The following SORL1 variants were observed in gnomAD, a reference collection of about 807,000 sequenced individuals.
SORL1 encodes sortilin related receptor 1.
Under a neutral mutation model 273.7 loss-of-function variants are expected in SORL1, and 127 were observed. That is an observed-to-expected ratio of 0.46 (90% confidence interval 0.40 to 0.54). SORL1 has a LOEUF of 0.54. SORL1 is among the 20% of genes least tolerant of loss of function. The pLI is 0.00. For missense variants in SORL1, 2,494 were observed against 2,846.1 expected, an observed-to-expected ratio of 0.88 and a Z score of 2.81; for synonymous variants, 1,031 against 1,067.4, an observed-to-expected ratio of 0.97 and a Z score of 0.66.
intron 6 of SORL1, among the ~76,000 whole-genome samples, chr11:121,498,177 G>T (rs1227880008): frequency 6.6e-6 from 1 of 152,190 alleles, no homozygotes; most frequent in Non-Finnish European, 1.5e-5. Context: ...GTGCCTTCCT[G>T]CCTTGACTGT....
intron 6 of SORL1, among the ~76,000 whole-genome samples, chr11:121,508,251 G>A (rs1285375552): frequency 6.6e-6 from 1 of 152,068 alleles, no homozygotes; most frequent in African/African-American, 2.4e-5. Flanking sequence ...ACTAGACCCC[G>A]TTCATTTCTT....
Position 121,514,755 on chromosome 11 carries a change from G to A in SORL1, c.1211+434G>A, listed in dbSNP as rs747024590. Among the ~76,000 whole-genome samples, 5 of 152,096 alleles carry A rather than the reference G, an allele frequency of 3.3e-5. No individual in the cohort carries two copies. The South Asian group carries it at 6.2e-4, about 19-fold the overall frequency. ...TCATTACTCTTTTTAAGAGATAATC[G>A]GACGGTGTTTTGTAAAGAAAGGCAC... On this transcript the variant is annotated intron_variant, in intron 8 of 47. Transcript: ENST00000260197.
At chr11:121,528,325 T>C (rs1862153943) in intron 11 of SORL1, among the ~76,000 whole-genome samples, 1 of 151,962 alleles carries the variant, frequency 6.6e-6, no homozygotes, top group Non-Finnish European at 1.5e-5. Flanking sequence ...AAAAATTAAC[T>C]GGGCATACCT....
chr11:121,570,348 AG>A (rs1349013527), intron 23 of SORL1, 78 bp downstream of exon 23: 1 of 1,060,580 alleles, frequency 9.4e-7, no homozygotes, highest in Non-Finnish European at 1.4e-6. Flanking sequence ...TGAGGGCCTA[AG>A]GTCTAGGGCG....
At chr11:121,510,622 C>T (rs1296140196) in intron 6 of SORL1, among the ~76,000 whole-genome samples, 1 of 152,136 alleles carries the variant, frequency 6.6e-6, no homozygotes, top group Non-Finnish European at 1.5e-5. Context: ...ATCTCATTGA[C>T]TAGTACTTAG....
intron 31 of SORL1, among the ~76,000 whole-genome samples, chr11:121,592,342 C>T (rs1347488455): frequency 6.6e-6 from 1 of 152,144 alleles, no homozygotes; most frequent in Non-Finnish European, 1.5e-5. Flanking sequence ...CTAATGGAAT[C>T]GCCTGGGGTG....
At chr11:121,471,333 T>C (rs1299735392) in intron 2 of SORL1, among the ~76,000 whole-genome samples, 1 of 152,226 alleles carries the variant, frequency 6.6e-6, no homozygotes, top group African/African-American at 2.4e-5. Flanking sequence ...TGAAAACTGC[T>C]GAGTCTTACA....
intron 6 of SORL1, among the ~76,000 whole-genome samples, 192 bp from the exon 7 acceptor site, chr11:121,512,811 C>G (rs1320881504): frequency 6.6e-6 from 1 of 152,186 alleles, no homozygotes; most frequent in Non-Finnish European, 1.5e-5. Context: ...AACCGGGTAT[C>G]TAAGATGAAG....
At chr11:121,482,062 G>T (rs1297322198) in intron 3 of SORL1, among the ~76,000 whole-genome samples, 1 of 152,206 alleles carries the variant, frequency 6.6e-6, no homozygotes, top group Non-Finnish European at 1.5e-5. Context: ...CTTTCTGCTT[G>T]TTGTGGGTTG....
intron 13 of SORL1, 62 bp from the exon 14 acceptor site, chr11:121,545,181 A>G (rs981493809): frequency 2.6e-6 from 4 of 1,529,700 alleles, no homozygotes; most frequent in Non-Finnish European, 3.6e-6. Context: ...ACCTTGAGGC[A>G]TAGCAGGAAA....
Position 121,452,645 on chromosome 11 carries a change from C to T in SORL1, c.285+29C>T, listed in dbSNP as rs1490957996. On this transcript the variant is annotated intron_variant, in intron 1 of 47. Coordinates refer to ENST00000260197, the MANE Select transcript of SORL1 (RefSeq NM_003105.6). The surrounding 1 kb of genome is among the most constrained non-coding windows in gnomAD (Gnocchi z 5.3). The stretch of plus-strand genomic sequence containing the variant: ...AGCAGTTTTGCAACCCGCCTCCCTC[C>T]AGTTTTTTCCTCTCCCTGCACTTCC... 2.1e-6 allele frequency: 3 copies of T among 1,424,364 alleles called. No homozygotes were observed. The highest frequency in any genetic ancestry group is 2.7e-6 in the Non-Finnish European group (3 of 1,091,484). The allele number at this position is 1,424,364 out of a possible 1,614,324, so 88.2% of individuals were successfully genotyped here. A position where few individuals can be genotyped will look rare whatever the true frequency, so the allele number is the denominator to read the frequency against.
rs536259915 is a variant in SORL1, at chr11:121,579,620, G to A, written c.3580+2220G>A. On this transcript the variant is annotated intron_variant, in intron 25 of 47. Transcript: ENST00000260197. The stretch of plus-strand genomic sequence containing the variant: ...CATCTTTCCTCTCTCCTAGATATAT[G>A]GGGACTTTAGAATTTGATCCAAATC... Among the ~76,000 whole-genome samples, 5 of 152,070 alleles carry A rather than the reference G, an allele frequency of 3.3e-5. No homozygotes were observed. In the East Asian group the frequency reaches 5.8e-4, roughly 18 times the overall value.
intron 3 of SORL1, among the ~76,000 whole-genome samples, chr11:121,482,751 G>GA: frequency 6.6e-6 from 1 of 152,248 alleles, no homozygotes; most frequent in East Asian, 1.9e-4. Context: ...TGAAATGGTC[G>GA]AAATGAATGT....
intron 8 of SORL1, among the ~76,000 whole-genome samples, chr11:121,514,920 A>T (rs1861929411): frequency 6.6e-6 from 1 of 151,996 alleles, no homozygotes; most frequent in Non-Finnish European, 1.5e-5. Flanking sequence ...GGTTCTTAAG[A>T]TCCGTTCAGG....
At chr11:121,566,806 T>G (rs1419570984) in intron 21 of SORL1, 134 bp from the exon 22 acceptor site, 2 of 799,120 alleles carry the variant, frequency 2.5e-6, no homozygotes, top group Non-Finnish European at 1.9e-6. Flanking sequence ...CCCCAAAGCT[T>G]GCCACTTGAC....
chr11:121,605,972 A>G (rs144288761), intron 35 of SORL1, among the ~76,000 whole-genome samples: 47 of 152,212 alleles, frequency 3.1e-4, no homozygotes, highest in African/African-American at 1.1e-3. Flanking sequence ...CCCACACTGG[A>G]GTGCAGTGGA....
At chr11:121,544,831 C>G (rs1862400484) in intron 13 of SORL1, among the ~76,000 whole-genome samples, 1 of 152,212 alleles carries the variant, frequency 6.6e-6, no homozygotes, top group South Asian at 2.1e-4. Context: ...TCGGGCCACA[C>G]TACCAGATGT....
chr11:121,573,039 G>A (rs1478522495), intron 23 of SORL1, among the ~76,000 whole-genome samples: 1 of 152,178 alleles, frequency 6.6e-6, no homozygotes, highest in African/African-American at 2.4e-5. Context: ...CCTTCCCCTC[G>A]CCTTTCCTGG....
chr11:121,627,150 G>A lies in SORL1; in HGVS notation c.6365-405G>A, dbSNP rs1308300001. On this transcript the variant is annotated intron_variant, in intron 46 of 47. Coordinates refer to ENST00000260197, the MANE Select transcript of SORL1 (RefSeq NM_003105.6). The surrounding 1 kb of genome is among the most constrained non-coding windows in gnomAD (Gnocchi z 4.9). ...CAGTTCAGAGTGACTTTGGTGCCAA[G>A]TAGGGGGAAATAATTGCAATCTCGT... The A allele has an allele frequency of 4.9e-6, 1 of 202,092 alleles. No homozygotes were observed. Among genetic ancestry groups the A allele is most frequent in the Non-Finnish European group, 1.0e-5 (1 of 96,838 alleles). 12.5% of individuals were successfully genotyped at this position (202,092 alleles called of 1,614,324 possible).
Sources: allele counts gnomAD v4.1 joint callset (sites outside exome capture counted in the v4.1 genomes callset), GRCh38; gene constraint gnomAD v4.1.1; non-coding constraint Gnocchi (gnomAD v3.1); transcripts MANE v1.5; gene names NCBI Gene and HGNC (gene_info 2026-07-23, HGNC 2026-07-21).